The following CRPPA variants were observed in gnomAD, a reference collection of about 807,000 sequenced individuals.
CRPPA encodes the protein D-ribitol-5-phosphate cytidylyltransferase.
CRPPA carries 43 observed loss-of-function variants against 52.0 expected under a neutral mutation model. That is an observed-to-expected ratio of 0.83 (90% CI 0.65 to 1.07). CRPPA has a LOEUF of 1.07. Ranked by LOEUF, CRPPA falls within the 50% of genes least tolerant of loss-of-function variation. The pLI is 0.00. For synonymous variants in CRPPA, 250 were observed against 203.5 expected, an observed-to-expected ratio of 1.23 and a Z score of -1.94; for missense variants, 629 against 551.7, an observed-to-expected ratio of 1.14 and a Z score of -1.40.
chr7:16,377,919 C>G (rs146570844), intron 2 of CRPPA, among the ~76,000 whole-genome samples: 18 of 152,144 alleles, frequency 1.2e-4, no homozygotes, highest in Admixed American at 5.2e-4. Context: ...AATACTGGGG[C>G]CCTGATCACT....
intron 9 of CRPPA, among the ~76,000 whole-genome samples, chr7:16,210,858 G>C (rs1782115912): frequency 6.7e-6 from 1 of 150,144 alleles, no homozygotes; most frequent in Admixed American, 6.6e-5. Flanking sequence ...AAAAAAAAAG[G>C]AAAGATCTGG....
chr7:16,210,443 A>T (rs899385606), intron 9 of CRPPA: 6 of 152,196 alleles, frequency 3.9e-5, no homozygotes, highest in African/African-American at 1.2e-4. Context: ...ATGTCACAGA[A>T]GACTGTGACT....
intron 9 of CRPPA, among the ~76,000 whole-genome samples, chr7:16,155,289 C>A (rs953086333): frequency 1.3e-5 from 2 of 152,106 alleles, no homozygotes; most frequent in Non-Finnish European, 2.9e-5. Context: ...ATCATATTCC[C>A]CCATATTCAA....
intron 9 of CRPPA, among the ~76,000 whole-genome samples, chr7:16,110,597 A>C (rs188849711): frequency 2.6e-5 from 4 of 152,212 alleles, no homozygotes; most frequent in Admixed American, 2.6e-4. Flanking sequence ...ACAAACACAC[A>C]CAAAGACCAA....
At chr7:16,105,800 T>C (rs1464396724) in intron 9 of CRPPA, among the ~76,000 whole-genome samples, 3 of 152,068 alleles carry the variant, frequency 2.0e-5, no homozygotes, top group African/African-American at 7.2e-5. Flanking sequence ...GCCCACTTCC[T>C]TCCATTTCAG....
chr7:16,113,954 T>G (rs1652094629), intron 9 of CRPPA, among the ~76,000 whole-genome samples: 1 of 151,800 alleles, frequency 6.6e-6, no homozygotes, highest in Admixed American at 6.6e-5. Context: ...AAATTATAAA[T>G]AAGTAACATC....
intron 6 of CRPPA, among the ~76,000 whole-genome samples, chr7:16,275,807 T>A (rs1264806141): frequency 6.7e-6 from 1 of 150,108 alleles, no homozygotes; most frequent in East Asian, 2.0e-4. Context: ...CAAGACCCTG[T>A]CTCGGAAAAA....
chr7:16,277,773 A>T (rs1388324843), intron 6 of CRPPA, among the ~76,000 whole-genome samples: 1 of 152,038 alleles, frequency 6.6e-6, no homozygotes, highest in African/African-American at 2.4e-5. Context: ...CTCCCTCTTC[A>T]TAATCTCTCT....
intron 3 of CRPPA, among the ~76,000 whole-genome samples, chr7:16,350,984 C>T (rs1377998605): frequency 6.6e-6 from 1 of 152,016 alleles, no homozygotes; most frequent in Admixed American, 6.6e-5. Flanking sequence ...AGGCCAAAAA[C>T]TGTAAAAACA....
At chr7:16,237,034 T>A (rs576704936) in intron 8 of CRPPA, among the ~76,000 whole-genome samples, 1 of 152,116 alleles carries the variant, frequency 6.6e-6, no homozygotes, top group Non-Finnish European at 1.5e-5. Context: ...GGGATCTTCA[T>A]CTGCCTATTC....
At chr7:16,285,533 T>C (rs1335543807) in intron 5 of CRPPA, among the ~76,000 whole-genome samples, 1 of 152,118 alleles carries the variant, frequency 6.6e-6, no homozygotes, top group Non-Finnish European at 1.5e-5. Flanking sequence ...TAACTCTTTT[T>C]TTTGTCTACA....
intron 3 of CRPPA, among the ~76,000 whole-genome samples, chr7:16,335,032 C>T (rs982239186): frequency 5.3e-5 from 8 of 151,338 alleles, no homozygotes; most frequent in East Asian, 3.9e-4. Context: ...CTCTTAAAGA[C>T]GTTCAGGCCA....
At chr7:16,327,991 T>C (rs1785457471) in intron 3 of CRPPA, among the ~76,000 whole-genome samples, 1 of 152,226 alleles carries the variant, frequency 6.6e-6, no homozygotes, top group Non-Finnish European at 1.5e-5. Context: ...GATTTTACTT[T>C]CTCACTTCTC....
At chr7:16,150,001 G>A (rs1242841989) in intron 9 of CRPPA, among the ~76,000 whole-genome samples, 2 of 150,314 alleles carry the variant, frequency 1.3e-5, no homozygotes, top group Non-Finnish European at 3.0e-5. Flanking sequence ...AAAAGAGAGA[G>A]AAAAGAAAAA....
rs373072535 is a variant in CRPPA at position 16,254,771 on chromosome 7, C to CAGAAAGAAAGAAAGAAAGAA, written c.1119+3599_1119+3618dup. Among the ~76,000 whole-genome samples, 13 of 110,964 alleles carry CAGAAAGAAAGAAAGAAAGAA rather than the reference C, an allele frequency of 1.2e-4. 1 individual carries two copies. Among genetic ancestry groups the CAGAAAGAAAGAAAGAAAGAA allele is most frequent in the African/African-American group, 4.2e-4 (12 of 28,422 alleles). 72.8% of individuals were successfully genotyped at this position (110,964 alleles called of 152,430 possible). ...ACAGAAAGAAAGAAAGACAGACACA[C>CAGAAAGAAAGAAAGAAAGAA]AGAAAGAAAGAAAGAAAGAAGGAAA... On this transcript the variant is annotated intron_variant, in intron 8 of 9. Coordinates refer to ENST00000407010, the MANE Select transcript of CRPPA (RefSeq NM_001101426.4).
chr7:16,286,097 A>AAAAAAATATATATATAT, intron 5 of CRPPA, among the ~76,000 whole-genome samples: 11 of 39,112 alleles, frequency 2.8e-4, no homozygotes, highest in East Asian at 6.2e-4. Flanking sequence ...TAAAAAAAAA[A>AAAAAAATATATATATAT]ATATATATAT....
At chr7:16,195,578 T>C (rs1456111904) in intron 9 of CRPPA, among the ~76,000 whole-genome samples, 1 of 151,076 alleles carries the variant, frequency 6.6e-6, no homozygotes, top group Non-Finnish European at 1.5e-5. Flanking sequence ...AGATAGAGTC[T>C]AAGAAAGTGC....
intron 9 of CRPPA, among the ~76,000 whole-genome samples, chr7:16,194,723 A>C (rs1185041457): frequency 3.3e-5 from 5 of 152,176 alleles, no homozygotes; most frequent in African/African-American, 7.2e-5. Flanking sequence ...TCAAGATGGA[A>C]GGTAATGAAG....
At chr7:16,249,136 G>A (rs1783364977) in intron 8 of CRPPA, among the ~76,000 whole-genome samples, 1 of 152,180 alleles carries the variant, frequency 6.6e-6, no homozygotes, top group Admixed American at 6.5e-5. Flanking sequence ...ACCCACCAGA[G>A]CTCAGTGAGG....
Sources: gnomAD v4.1 joint callset for allele counts (sites outside exome capture counted in the v4.1 genomes callset) on GRCh38, gnomAD v4.1.1 for gene constraint, MANE v1.5 for transcripts, NCBI Gene and HGNC (gene_info 2026-07-23, HGNC 2026-07-21) for gene names.